The following MYO3B variants were observed in gnomAD, a reference collection of about 807,000 sequenced individuals.
MYO3B encodes the protein myosin IIIB, also known as myosin-IIIb.
Under a neutral mutation model 174.6 loss-of-function variants are expected in MYO3B, and 156 were observed. That is an observed-to-expected ratio of 0.89 (90% CI 0.78 to 1.02). MYO3B has a LOEUF of 1.02. Among genes scored for constraint, MYO3B ranks in the 50% least tolerant of loss-of-function variants. MYO3B has a pLI of 0.00. For missense variants in MYO3B, 1,632 were observed against 1,639.4 expected, an observed-to-expected ratio of 1.00 and a Z score of 0.08; for synonymous variants, 563 against 569.1, an observed-to-expected ratio of 0.99 and a Z score of 0.15.
chr2:170,544,010 G>T (rs756123533), intron 32 of MYO3B, 22 bp downstream of exon 32: 17 of 1,543,952 alleles, frequency 1.1e-5, no homozygotes, highest in Non-Finnish European at 1.3e-5. Flanking sequence ...GTTTTGAATT[G>T]CATGCGGCTT....
intron 9 of MYO3B, among the ~76,000 whole-genome samples, chr2:170,375,719 A>G (rs2094287391): frequency 1.3e-5 from 1 of 79,784 alleles, no homozygotes; most frequent in East Asian, 3.4e-4. Context: ...ATGTGCATGC[A>G]TGCACACACA....
chr2:170,491,014 C>G lies in MYO3B; in HGVS notation c.3015-7578C>G, dbSNP rs60665878. On this transcript the variant is annotated intron_variant, in intron 25 of 34. Transcript: ENST00000408978. Reference sequence around the variant, plus strand: ...TTTATTAACTTTATCAGAAAACCAGCTTTTGGTTTCATCAGTTGCTTTCCT... The same window carrying G: ...TTTATTAACTTTATCAGAAAACCAGGTTTTGGTTTCATCAGTTGCTTTCCT... 7.3e-4 allele frequency among the ~76,000 whole-genome samples: 111 copies of G among 152,176 alleles called. 2 individuals are homozygous for G. The East Asian group carries it at 0.018, about 25-fold the overall frequency.
chr2:170,217,287 C>T (rs1253478402), intron 5 of MYO3B, 32 bp from the exon 6 acceptor site: 1 of 1,596,642 alleles, frequency 6.3e-7, no homozygotes, highest in Admixed American at 1.7e-5. Context: ...ATACTTTGCT[C>T]ACTTTTGAAT....
chr2:170,648,652 A>ATAATATATATTATATTT (rs1698568613), intron 32 of MYO3B, among the ~76,000 whole-genome samples: 1 of 85,506 alleles, frequency 1.2e-5, no homozygotes. Context: ...TATATTCTAT[A>ATAATATATATTATATTT]TAATATATAT....
chr2:170,633,625 A>G (rs1029421035), intron 32 of MYO3B, among the ~76,000 whole-genome samples: 6 of 152,220 alleles, frequency 3.9e-5, no homozygotes, highest in Admixed American at 6.5e-5. Flanking sequence ...GGCCAGGGCA[A>G]TCAGGCAAGA....
At chr2:170,498,539 T>C (rs1459258032) in intron 25 of MYO3B, 53 bp from the exon 26 acceptor site, 5 of 1,274,772 alleles carry the variant, frequency 3.9e-6, no homozygotes, top group Non-Finnish European at 5.7e-6. Flanking sequence ...AATTCTACTA[T>C]GCTGAGTCAA....
intron 32 of MYO3B, among the ~76,000 whole-genome samples, chr2:170,590,641 A>G (rs1559141219): frequency 6.7e-6 from 1 of 149,980 alleles, no homozygotes; most frequent in Non-Finnish European, 1.5e-5. Flanking sequence ...TACAAAATTC[A>G]GTTACCTGAA....
chr2:170,316,164 A>G (rs969879290), intron 7 of MYO3B, among the ~76,000 whole-genome samples: 2 of 152,258 alleles, frequency 1.3e-5, no homozygotes, highest in African/African-American at 4.8e-5. Context: ...CCATACATGC[A>G]TATGCATATA....
chr2:170,310,660 C>A (rs1458619683), intron 7 of MYO3B, among the ~76,000 whole-genome samples: 2 of 23,176 alleles, frequency 8.6e-5, no homozygotes, highest in Non-Finnish European at 1.6e-4. Context: ...AGCAAGACTC[C>A]ATCTCAAAAA....
intron 25 of MYO3B, among the ~76,000 whole-genome samples, chr2:170,495,273 A>G (rs1686792317): frequency 6.6e-6 from 1 of 152,224 alleles, no homozygotes; most frequent in Admixed American, 6.5e-5. Flanking sequence ...ACATTGAAGT[A>G]CACAGGAGCT....
intron 25 of MYO3B, among the ~76,000 whole-genome samples, chr2:170,478,599 C>T (rs1685465760): frequency 7.5e-6 from 1 of 133,060 alleles, no homozygotes; most frequent in South Asian, 2.5e-4. Flanking sequence ...GATGGAGTCT[C>T]ACTCTGTCAC....
At chr2:170,235,663 G>T (rs2093061829) in intron 6 of MYO3B, among the ~76,000 whole-genome samples, 1 of 152,196 alleles carries the variant, frequency 6.6e-6, no homozygotes, top group East Asian at 1.9e-4. Context: ...GGTGAAGGAT[G>T]TAGACAAAGC....
intron 9 of MYO3B, 61 bp from the exon 10 acceptor site, chr2:170,381,955 G>A (rs1179897854): frequency 5.7e-6 from 8 of 1,397,124 alleles, no homozygotes; most frequent in African/African-American, 5.6e-5. Flanking sequence ...CATGCTTGCT[G>A]CCCGCTTTCT....
chr2:170,442,373 A>G (rs2094807030), intron 22 of MYO3B, among the ~76,000 whole-genome samples: 3 of 152,182 alleles, frequency 2.0e-5, no homozygotes, highest in Admixed American at 2.0e-4. Context: ...ATGACTAATT[A>G]AGTTAAAGTT....
chr2:170,199,405 G>A lies in MYO3B; in HGVS notation c.186+14G>A, dbSNP rs1442430335. ...GATCCAGTCAGTGTAAGTAACAGTT[G>A]TAAATTATAACCAGAATTTGGTGTT... On this transcript the variant is annotated intron_variant, in intron 2 of 34. Coordinates refer to ENST00000408978, the MANE Select transcript of MYO3B (RefSeq NM_138995.5). The A allele has an allele frequency of 6.4e-7, 1 of 1,566,054 alleles. No homozygotes were observed. The highest frequency in any genetic ancestry group is 1.7e-4 in the Middle Eastern group (1 of 5,864).
At chr2:170,624,988 T>G (rs1020143460) in intron 32 of MYO3B, among the ~76,000 whole-genome samples, 16 of 152,198 alleles carry the variant, frequency 1.1e-4, no homozygotes, top group African/African-American at 1.9e-4. Context: ...TTGAGGATTT[T>G]TGCATCGATG....
rs545986318 is a variant in MYO3B at position 170,253,267 on chromosome 2, A to T, written c.749+17131A>T. On this transcript the variant is annotated intron_variant, in intron 7 of 34. Transcript: ENST00000408978. ...GATATAATTTGGAGGTGGTGCTGAC[A>T]GGATTGCTTATGGATTTGATGTAGG... is the stretch of plus-strand genomic sequence containing the variant. Among the ~76,000 whole-genome samples, 3 of 152,314 alleles carry T rather than the reference A, an allele frequency of 2.0e-5. No individual in the cohort carries two copies. In the East Asian group the frequency reaches 5.8e-4, roughly 29 times the overall value.
chr2:170,485,302 T>A (rs1448344399), intron 25 of MYO3B, among the ~76,000 whole-genome samples: 4 of 151,918 alleles, frequency 2.6e-5, no homozygotes, highest in Admixed American at 2.6e-4. Flanking sequence ...TAAAATTTCT[T>A]TTCCATATCC....
chr2:170,633,500 C>G (rs903243436), intron 32 of MYO3B, among the ~76,000 whole-genome samples: 3 of 152,070 alleles, frequency 2.0e-5, no homozygotes, highest in Admixed American at 2.0e-4. Context: ...TATGATAAAC[C>G]CACAGCCAGT....
Sources: allele counts gnomAD v4.1 joint callset (sites outside exome capture counted in the v4.1 genomes callset), GRCh38; gene constraint gnomAD v4.1.1; transcripts MANE v1.5; gene names NCBI Gene and HGNC (gene_info 2026-07-23, HGNC 2026-07-21).